The following UGT1A7 variants were observed in gnomAD, a reference collection of about 807,000 sequenced individuals.
The protein encoded by UGT1A7 is UDP-glucuronosyltransferase 1A7.
In UGT1A7, 33 loss-of-function variants were observed where a neutral mutation model predicts 45.6. The observed-to-expected ratio is 0.72, with a 90% confidence interval of 0.55 to 0.97. The LOEUF (loss-of-function observed/expected upper bound fraction) is 0.97, where lower values mean the gene tolerates loss of function less well. Among genes scored for constraint, UGT1A7 ranks in the 50% least tolerant of loss-of-function variants. The pLI is 0.00. For missense variants in UGT1A7, 684 were observed against 666.2 expected (o/e 1.03, Z -0.29); for synonymous variants, 274 against 250.6 (o/e 1.09, Z -0.88).
intron 1 of UGT1A7, chr2:233,693,126 G>C: frequency 6.2e-7 from 1 of 1,614,224 alleles, no homozygotes; most frequent in East Asian, 2.2e-5. Flanking sequence ...CACTGGCTTA[G>C]TATGAAGGAT....
At chr2:233,761,616 T>C (rs1314305067) in intron 1 of UGT1A7, among the ~76,000 whole-genome samples, 1 of 152,246 alleles carries the variant, frequency 6.6e-6, no homozygotes, top group East Asian at 1.9e-4. Flanking sequence ...AATATTCTGA[T>C]AAGAAGCTAA....
Position 233,769,296 on chromosome 2 carries a change from A to G in UGT1A7, c.1295+857A>G, listed in dbSNP as rs1325242362. 6.6e-6 allele frequency among the ~76,000 whole-genome samples: 1 copy of G among 152,258 alleles called. No homozygotes were observed. Among genetic ancestry groups the G allele is most frequent in the African/African-American group, 2.4e-5 (1 of 41,468 alleles). ...GGCAAATGATTTCTGGATTAAAGTT[A>G]GTATATTACTGTCAAGCTCACTGGT... On this transcript the variant is annotated intron_variant, in intron 4 of 4. Transcript: ENST00000373426. This position sits in a 1 kb window ranked among gnomAD's most constrained non-coding sequence, Gnocchi z 4.4.
At chr2:233,760,232 C>CTA (rs1697356426) in intron 1 of UGT1A7, 1 of 1,429,076 alleles carries the variant, frequency 7.0e-7, no homozygotes, top group Non-Finnish European at 9.5e-7. Flanking sequence ...TTGGTTTTTG[C>CTA]CATATATATA....
rs182305779 is a variant in UGT1A7, at chr2:233,734,566, T to G, written c.856-32468T>G. ...CTTCCCTTCTGCTAGCTTTTGAATT[T>G]GTTTGCTCTTGCTTATCTAGTTCTT... is the stretch of plus-strand genomic sequence containing the variant. On this transcript the variant is annotated intron_variant, in intron 1 of 4. Transcript: ENST00000373426. Among the ~76,000 whole-genome samples, 19 of 152,196 alleles carry G rather than the reference T, an allele frequency of 1.2e-4. 1 individual carries two copies. Among genetic ancestry groups the G allele is most frequent in the Admixed American group, 1.2e-3 (19 of 15,288 alleles).
rs376650980 is a variant in UGT1A7, at chr2:233,751,304, T to C, written c.856-15730T>C. ...TTCTCCCATTTGGAATGGGAATATTTACCCAATTTCTGTACCCCCATTGTG... is the reference window on the plus strand; with the variant it reads ...TTCTCCCATTTGGAATGGGAATATTCACCCAATTTCTGTACCCCCATTGTG... On this transcript the variant is annotated intron_variant, in intron 1 of 4. Transcript: ENST00000373426. Among the ~76,000 whole-genome samples, 29 of 152,116 alleles carry C rather than the reference T, an allele frequency of 1.9e-4. No individual in the cohort carries two copies. The South Asian group carries it at 2.7e-3, about 14-fold the overall frequency.
At chr2:233,684,957 G>A (rs1028943175) in intron 1 of UGT1A7, among the ~76,000 whole-genome samples, 1 of 79,316 alleles carries the variant, frequency 1.3e-5, no homozygotes, top group African/African-American at 3.6e-5. Flanking sequence ...TCTGTCTGAT[G>A]AAAAGAAAGC....
Position 233,685,551 on chromosome 2 carries a change from C to T in UGT1A7, c.855+2759C>T, listed in dbSNP as rs181887946. On this transcript the variant is annotated intron_variant, in intron 1 of 4. Coordinates refer to ENST00000373426, the MANE Select transcript of UGT1A7 (RefSeq NM_019077.3). ...ATTGCTCTCGCATTCTGTTTTTGAT[C>T]CAAATTCAAATTTACCTGTTACTGG... Among the ~76,000 whole-genome samples, 1,103 of 152,292 alleles carry T rather than the reference C, an allele frequency of 7.2e-3. 7 individuals are homozygous for T. Among genetic ancestry groups the T allele is most frequent in the Non-Finnish European group, 0.013 (869 of 68,020 alleles).
rs12623271 is a variant in UGT1A7, at chr2:233,691,295, C to A, written c.855+8503C>A. The stretch of plus-strand genomic sequence containing the variant: ...CCATGACTTTGATCATTGTAAGCTG[C>A]CAATCCTCTTGGGAGGCTGCTCCCA... On this transcript the variant is annotated intron_variant, in intron 1 of 4. Coordinates refer to ENST00000373426, the MANE Select transcript of UGT1A7 (RefSeq NM_019077.3). The A allele has an allele frequency of 3.0e-6, 3 of 985,172 alleles. No individual in the cohort carries two copies. The Admixed American group carries it at 1.8e-4, about 61-fold the overall frequency. 61.0% of individuals were successfully genotyped at this position (985,172 alleles called of 1,614,324 possible).
At chr2:233,707,925 A>G (rs4663326) in intron 1 of UGT1A7, among the ~76,000 whole-genome samples, 13,554 of 152,258 alleles carry the variant, frequency 0.089, 755 homozygotes, top group South Asian at 0.2. Context: ...GTTTTAAAAT[A>G]TACTTATCAG....
chr2:233,682,250 GCATTTTCTCTATTAA>G lies in UGT1A7; in HGVS notation c.316_330del (p.Phe106_Thr110del), dbSNP rs781556867. On this transcript the variant is annotated inframe_deletion, in exon 1 of 5. Transcript: ENST00000373426. ...TCGCTGGACGGCACCATTGCGAAGT[GCATTTTCTCTATTAA>G]CAAGTTCATCCAATGGTATTTTTGA... is the stretch of plus-strand genomic sequence containing the variant. 6.2e-7 allele frequency: 1 copy of G among 1,614,148 alleles called. No homozygotes were observed. The highest frequency in any genetic ancestry group is 8.5e-7 in the Non-Finnish European group (1 of 1,180,012).
At chr2:233,696,872 A>G (rs1458006526) in intron 1 of UGT1A7, among the ~76,000 whole-genome samples, 1 of 152,208 alleles carries the variant, frequency 6.6e-6, no homozygotes, top group Admixed American at 6.5e-5. Flanking sequence ...TTCAGCATCT[A>G]CAACATATGA....
At chr2:233,688,288 G>C (rs562176649) in intron 1 of UGT1A7, among the ~76,000 whole-genome samples, 1 of 152,086 alleles carries the variant, frequency 6.6e-6, no homozygotes, top group African/African-American at 2.4e-5. Context: ...TGGATTTACC[G>C]CATTTTTTTT....
At chr2:233,690,502 A>C in intron 1 of UGT1A7, 2 of 1,289,594 alleles carry the variant, frequency 1.6e-6, no homozygotes, top group Non-Finnish European at 2.0e-6. Context: ...TTGCCAACAG[A>C]GATTTGTTTT....
chr2:233,682,150 T>A lies in UGT1A7; in HGVS notation c.213T>A (p.Asn71Lys). Residue 71 changes from asparagine (N) to lysine (K), a missense_variant, in exon 1 of 5, where the codon AAT becomes AAA. Asn to Lys is a moderately conservative substitution (Grantham distance 94). Coordinates refer to ENST00000373426, the MANE Select transcript of UGT1A7 (RefSeq NM_019077.3). ...EVSWQLGRSL[N>K]CTVKTYSTSY... The stretch of plus-strand genomic sequence containing the variant: ...GTTGGCAACTGGGAAGATCACTGAA[T>A]TGCACAGTGAAGACTTACTCAACCT... 1 of 1,614,172 alleles carries A rather than the reference T, an allele frequency of 6.2e-7. No individual in the cohort carries two copies. The highest frequency in any genetic ancestry group is 8.5e-7 in the Non-Finnish European group (1 of 1,180,014).
chr2:233,724,847 C>T (rs1352664169), intron 1 of UGT1A7, among the ~76,000 whole-genome samples: 1 of 131,490 alleles, frequency 7.6e-6, no homozygotes, highest in Non-Finnish European at 1.6e-5. Flanking sequence ...CCAAGGCAGG[C>T]GGCTGGGAGG....
At chr2:233,688,035 C>A (rs2074875493) in intron 1 of UGT1A7, among the ~76,000 whole-genome samples, 2 of 152,198 alleles carry the variant, frequency 1.3e-5, no homozygotes, top group Admixed American at 1.3e-4. Context: ...ATATCTAATT[C>A]CAGATCATTT....
chr2:233,763,565 C>A (rs1354806563), intron 1 of UGT1A7, among the ~76,000 whole-genome samples: 1 of 152,164 alleles, frequency 6.6e-6, no homozygotes, highest in Admixed American at 6.5e-5. Context: ...AGTTACTGTT[C>A]TTATTTTCTC....
intron 1 of UGT1A7, among the ~76,000 whole-genome samples, chr2:233,704,998 T>C (rs2075816736): frequency 6.6e-6 from 1 of 151,990 alleles, no homozygotes; most frequent in African/African-American, 2.4e-5. Flanking sequence ...TAGCCGGGTA[T>C]GGTGGCAGGC....
chr2:233,754,186 C>T (rs1695414743), intron 1 of UGT1A7: 1 of 159,716 alleles, frequency 6.3e-6, no homozygotes, highest in Non-Finnish European at 1.4e-5. Flanking sequence ...ATTTCACCAC[C>T]ACACAGTAAA....
Sources: allele counts gnomAD v4.1 joint callset (sites outside exome capture counted in the v4.1 genomes callset), GRCh38; gene constraint gnomAD v4.1.1; non-coding constraint Gnocchi (gnomAD v3.1); transcripts MANE v1.5; gene names NCBI Gene and HGNC (gene_info 2026-07-23, HGNC 2026-07-21).